OR5H1: variants seen among roughly 807,000 people sequenced by gnomAD.
OR5H1 encodes olfactory receptor 5H1.
For missense variants in OR5H1, 378 were observed against 366.8 expected (o/e 1.03, Z -0.25); for synonymous variants, 124 against 134.4 (o/e 0.92, Z 0.54).
chr3:98,133,118 T>G lies in OR5H1; in HGVS notation c.421T>G (p.Cys141Gly). Residue 141 changes from cysteine (C) to glycine (G), a missense_variant, in exon 2 of 2, where the codon TGC (cysteine) becomes GGC (glycine). By Grantham distance (159) the Cys-to-Gly change is radical (BLOSUM62 -3). Transcript: ENST00000641874. ...TCCAGCCATTATGACCAATGGACTG[T>G]GCATCCGGCTATTAATCTTGTCATA... ...LYPAIMTNGL[C>G]IRLLILSYVG... The G allele has an allele frequency of 6.2e-7, 1 of 1,613,542 alleles. No homozygotes were observed. The highest frequency in any genetic ancestry group is 8.5e-7 in the Non-Finnish European group (1 of 1,179,696).
chr3:98,134,446 A>G lies in OR5H1; in HGVS notation c.*807A>G, dbSNP rs1053529142. 6.6e-6 allele frequency: 1 copy of G among 152,126 alleles called. No individual in the cohort carries two copies. The highest frequency in any genetic ancestry group is 2.4e-5 in the African/African-American group (1 of 41,444). The allele number at this position is 152,126 out of a possible 1,614,324, so 9.4% of individuals were successfully genotyped here. ...GAAAGAAAGTGGTCTTAATGTTTTT[A>G]TGATGAAGCTACCAAGATGTGTAAA... On this transcript the variant is annotated 3_prime_UTR_variant, in exon 2 of 2. Transcript: ENST00000641874.
At position 98,133,010 on chromosome 3, in the gene OR5H1, G is replaced by T. The variant is rs1341146240; in HGVS notation, c.313G>T (p.Ala105Ser). 1.2e-6 allele frequency: 2 copies of T among 1,613,410 alleles called. No individual in the cohort carries two copies. Among genetic ancestry groups the T allele is most frequent in the South Asian group, 1.1e-5 (1 of 91,054 alleles). The change falls in exon 2 of 2, where the codon GCA becomes TCA. Residue 105 changes from alanine to serine, a missense_variant. Transcript: ENST00000641874. ...SECKIQFFSFAISVTTECFLL... is the reference protein window; with the variant it reads ...SECKIQFFSFSISVTTECFLL... ...ATGCAAGATACAGTTTTTTTCGTTT[G>T]CAATCAGTGTAACCACGGAATGTTT...
At chr3:98,132,569 A>C in intron 1 of OR5H1, 111 bp from the exon 2 acceptor site, 1 of 1,235,304 alleles carries the variant, frequency 8.1e-7, no homozygotes, top group South Asian at 1.5e-5. Flanking sequence ...GACTGATCAA[A>C]AAATTGAGAG....
At chr3:98,131,886 G>A (rs1043696143) in intron 1 of OR5H1, among the ~76,000 whole-genome samples, 1 of 151,922 alleles carries the variant, frequency 6.6e-6, no homozygotes, top group African/African-American at 2.4e-5. Context: ...ACCACTTACT[G>A]CCTACAAAAT....
At position 98,132,598 on chromosome 3, in the gene OR5H1, T is replaced by G. The variant is rs968745485; in HGVS notation, c.-18-82T>G. Reference sequence around the variant, plus strand: ...TTGAGAGGGTTCTGATCATTTTAGGTTTTCCTTCAGCACCTCTTCCCCAAT... The same window carrying G: ...TTGAGAGGGTTCTGATCATTTTAGGGTTTCCTTCAGCACCTCTTCCCCAAT... On this transcript the variant is annotated intron_variant, in intron 1 of 1. Transcript: ENST00000641874. 6 of 1,491,224 alleles carry G rather than the reference T, an allele frequency of 4.0e-6. No homozygotes were observed. The Admixed American group carries it at 5.9e-5, about 15-fold the overall frequency. The allele number at this position is 1,491,224 out of a possible 1,614,324, so 92.4% of individuals were successfully genotyped here. A position where few individuals can be genotyped will look rare whatever the true frequency, so the allele number is the denominator to read the frequency against.
chr3:98,133,630 T>C lies in OR5H1; in HGVS notation c.933T>C (p.Val311=), dbSNP rs530358694. ...FTKMLKKHVK[V]SY ...AAATGTTAAAAAAACATGTTAAGGT[T>C]TCATACTAATATCCTTTCTCTAATT... Residue 311 remains valine (V), a synonymous_variant, in exon 2 of 2, where the codon GTT becomes GTC. Coordinates refer to ENST00000641874, the MANE Select transcript of OR5H1 (RefSeq NM_001005338.2). 1.3e-6 allele frequency: 2 copies of C among 1,597,266 alleles called. No homozygotes were observed. The highest frequency in any genetic ancestry group is 1.7e-6 in the Non-Finnish European group (2 of 1,170,426).
intron 1 of OR5H1, among the ~76,000 whole-genome samples, chr3:98,131,367 C>T (rs1035633673): frequency 3.3e-5 from 5 of 151,664 alleles, no homozygotes; most frequent in African/African-American, 1.2e-4. Context: ...GCTTTGGCTG[C>T]CTTGAAACCA....
chr3:98,137,748 AT>A lies in OR5H1; in HGVS notation c.*4112del, dbSNP rs1708336230. ...TCCAGATATTCAATGACTATTGATA[AT>A]TTAATCAACTGTGTGAAACTCTAAG... On this transcript the variant is annotated 3_prime_UTR_variant, in exon 2 of 2. Coordinates refer to ENST00000641874, the MANE Select transcript of OR5H1 (RefSeq NM_001005338.2). The A allele has an allele frequency of 3.3e-5, 5 of 152,216 alleles. No individual in the cohort carries two copies. Among genetic ancestry groups the A allele is most frequent in the Admixed American group, 3.3e-4 (5 of 15,280 alleles). 9.4% of individuals were successfully genotyped at this position (152,216 alleles called of 1,614,324 possible).
Position 98,138,497 on chromosome 3 carries a change from A to AAT in OR5H1, c.*4859_*4860insTA, listed in dbSNP as rs1010312676. The AAT allele has an allele frequency of 2.0e-5, 3 of 152,300 alleles. No homozygotes were observed. The highest frequency in any genetic ancestry group is 7.2e-5 in the African/African-American group (3 of 41,552). The allele number at this position is 152,300 out of a possible 1,614,324, so 9.4% of individuals were successfully genotyped here. A position where few individuals can be genotyped will look rare whatever the true frequency, so the allele number is the denominator to read the frequency against. On this transcript the variant is annotated 3_prime_UTR_variant, in exon 2 of 2. Coordinates refer to ENST00000641874, the MANE Select transcript of OR5H1 (RefSeq NM_001005338.2). ...TCTTCCCTCATCAGTCAGTCATCAT[A>AAT]AAAGCAAAAATCTAAAAGTCAAATA...
rs901588242 is a variant in OR5H1, at chr3:98,134,994, A to G, written c.*1355A>G. 6.6e-6 allele frequency: 1 copy of G among 152,142 alleles called. No individual in the cohort carries two copies. The highest frequency in any genetic ancestry group is 1.5e-5 in the Non-Finnish European group (1 of 68,022). 9.4% of individuals were successfully genotyped at this position (152,142 alleles called of 1,614,324 possible). A position where few individuals can be genotyped will look rare whatever the true frequency, so the allele number is the denominator to read the frequency against. On this transcript the variant is annotated 3_prime_UTR_variant, in exon 2 of 2. Transcript: ENST00000641874. The stretch of plus-strand genomic sequence containing the variant: ...GTATCTTATATCTATATGTATACAT[A>G]TGCATATGTTTAGTTTTTCATATGT...
chr3:98,132,287 T>C (rs1194780297), intron 1 of OR5H1, among the ~76,000 whole-genome samples: 1 of 152,078 alleles, frequency 6.6e-6, no homozygotes, highest in African/African-American at 2.4e-5. Flanking sequence ...GGCACATGCT[T>C]ATTGTATGAA....
rs528680222 is a variant in OR5H1, at chr3:98,130,813, G to A, written c.-56G>A. 4 of 152,260 alleles carry A rather than the reference G, an allele frequency of 2.6e-5. No individual in the cohort carries two copies. The highest frequency in any genetic ancestry group is 1.9e-4 in the East Asian group (1 of 5,182). 9.4% of individuals were successfully genotyped at this position (152,260 alleles called of 1,614,324 possible). A position where few individuals can be genotyped will look rare whatever the true frequency, so the allele number is the denominator to read the frequency against. On this transcript the variant is annotated 5_prime_UTR_variant, in exon 1 of 2. The change creates a new upstream start codon in the 5' untranslated region. Coordinates refer to ENST00000641874, the MANE Select transcript of OR5H1 (RefSeq NM_001005338.2). ...TGTATTTTTGTTTAGAAAGCACAAC[G>A]TGTTTAAAGGATATCCACAATTTCC...
chr3:98,135,904 G>A lies in OR5H1; in HGVS notation c.*2265G>A, dbSNP rs764798021. ...ATGATGAAATAAAATGGCAGTTGCA[G>A]TCTGATAATTTTTCTGTTTTTTAGT... On this transcript the variant is annotated 3_prime_UTR_variant, in exon 2 of 2. Coordinates refer to ENST00000641874, the MANE Select transcript of OR5H1 (RefSeq NM_001005338.2). 8.5e-5 allele frequency: 13 copies of A among 152,204 alleles called. No homozygotes were observed. The highest frequency in any genetic ancestry group is 1.9e-4 in the Non-Finnish European group (13 of 68,028). 9.4% of individuals were successfully genotyped at this position (152,204 alleles called of 1,614,324 possible).
In OR5H1 at chr3:98,137,831, C is replaced by T. The variant is rs1708337035; in HGVS notation, c.*4192C>T. The T allele has an allele frequency of 6.6e-6, 1 of 152,134 alleles. No homozygotes were observed. The highest frequency in any genetic ancestry group is 2.4e-5 in the African/African-American group (1 of 41,416). The allele number at this position is 152,134 out of a possible 1,614,324, so 9.4% of individuals were successfully genotyped here. A position where few individuals can be genotyped will look rare whatever the true frequency, so the allele number is the denominator to read the frequency against. On this transcript the variant is annotated 3_prime_UTR_variant, in exon 2 of 2. Coordinates refer to ENST00000641874, the MANE Select transcript of OR5H1 (RefSeq NM_001005338.2). ...ATTTTTAAGTAGACTTCTTATTAAA[C>T]ATAATTATGGTTTAAAAGTTCATTT...
chr3:98,136,758 ACTCT>A lies in OR5H1; in HGVS notation c.*3126_*3129del, dbSNP rs1708322876. 1 of 151,426 alleles carries A rather than the reference ACTCT, an allele frequency of 6.6e-6. No homozygotes were observed. Among genetic ancestry groups the A allele is most frequent in the Admixed American group, 6.6e-5 (1 of 15,172 alleles). The allele number at this position is 151,426 out of a possible 1,614,324, so 9.4% of individuals were successfully genotyped here. ...GGTTGATAAAAGAGCCCAGCACTCC[ACTCT>A]CTCTCTTTCCTTTCCTCTCTCACCA... On this transcript the variant is annotated 3_prime_UTR_variant, in exon 2 of 2. Transcript: ENST00000641874.
In OR5H1 at chr3:98,137,572, T is replaced by C. The variant is rs968404467; in HGVS notation, c.*3933T>C. 1.3e-5 allele frequency: 2 copies of C among 152,214 alleles called. No individual in the cohort carries two copies. Among genetic ancestry groups the C allele is most frequent in the African/African-American group, 2.4e-5 (1 of 41,462 alleles). 9.4% of individuals were successfully genotyped at this position (152,214 alleles called of 1,614,324 possible). A position where few individuals can be genotyped will look rare whatever the true frequency, so the allele number is the denominator to read the frequency against. ...TAGAAGTATGTGCTTTCCCATTATA[T>C]AATTTTTCAGTGTGCCACAGGACAT... On this transcript the variant is annotated 3_prime_UTR_variant, in exon 2 of 2. Transcript: ENST00000641874.
chr3:98,133,523 C>G lies in OR5H1; in HGVS notation c.826C>G (p.Leu276Val). ...QADDQDMVEP[L>V]FYTVIIPLLN... ...AGATGATCAAGATATGGTGGAGCCT[C>G]TATTCTACACTGTCATCATTCCTTT... Residue 276 changes from leucine (L) to valine (V), a missense_variant, in exon 2 of 2, where the codon CTA becomes GTA. Transcript: ENST00000641874. 6.2e-7 allele frequency: 1 copy of G among 1,613,318 alleles called. No homozygotes were observed. The highest frequency in any genetic ancestry group is 2.2e-5 in the East Asian group (1 of 44,848).
chr3:98,133,667 C>G lies in OR5H1; in HGVS notation c.*28C>G, dbSNP rs772374647. On this transcript the variant is annotated 3_prime_UTR_variant, in exon 2 of 2. Transcript: ENST00000641874. ...TCCTTTCTCTAATTACAAAAATAGT[C>G]ACAAAATTATGCAAGTTAGAGGTAC... is the stretch of plus-strand genomic sequence containing the variant. 1 of 1,548,296 alleles carries G rather than the reference C, an allele frequency of 6.5e-7. No individual in the cohort carries two copies. Among genetic ancestry groups the G allele is most frequent in the Non-Finnish European group, 8.8e-7 (1 of 1,137,738 alleles).
rs1576096689 is a variant in OR5H1, at chr3:98,132,993, T to C, written c.296T>C (p.Ile99Thr). The C allele has an allele frequency of 6.2e-7, 1 of 1,613,644 alleles. No homozygotes were observed. Among genetic ancestry groups the C allele is most frequent in the Non-Finnish European group, 8.5e-7 (1 of 1,179,660 alleles). Reference protein sequence around the residue: ...SKMISLSECKIQFFSFAISVT... With the variant: ...SKMISLSECKTQFFSFAISVT... ...ATGATATCTCTCTCTGAATGCAAGATACAGTTTTTTTCGTTTGCAATCAGT... is the reference window on the plus strand; with the variant it reads ...ATGATATCTCTCTCTGAATGCAAGACACAGTTTTTTTCGTTTGCAATCAGT... The change falls in exon 2 of 2, where the codon ATA becomes ACA. Residue 99 changes from isoleucine to threonine, a missense_variant. Physicochemically the swap from Ile to Thr is moderately conservative, Grantham distance 89. Transcript: ENST00000641874.
Sources: allele counts gnomAD v4.1 joint callset (sites outside exome capture counted in the v4.1 genomes callset), GRCh38; gene constraint gnomAD v4.1.1; transcripts MANE v1.5; gene names NCBI Gene and HGNC (gene_info 2026-07-23, HGNC 2026-07-21).